The following MMS22L variants were observed in gnomAD, a reference collection of about 807,000 sequenced individuals.
The protein encoded by MMS22L is protein MMS22-like.
A neutral mutation model predicts 159.1 loss-of-function variants in MMS22L; 74 were observed. That is an observed-to-expected ratio of 0.47 (90% CI 0.39 to 0.56). MMS22L has a LOEUF of 0.56. MMS22L is among the 20% of genes least tolerant of loss of function. MMS22L has a pLI of 0.00. For synonymous variants in MMS22L, 517 were observed against 506.9 expected (o/e 1.02, Z -0.27); for missense variants, 1,351 against 1,422.1 (o/e 0.95, Z 0.80).
intron 22 of MMS22L, among the ~76,000 whole-genome samples, chr6:97,159,566 G>A (rs1206140): frequency 0.017 from 2,522 of 151,976 alleles, 29 homozygotes; most frequent in Non-Finnish European, 0.028. Flanking sequence ...TAAGAAAAGA[G>A]AGAACAGCAA....
chr6:97,193,826 T>C (rs1806158305), intron 14 of MMS22L, among the ~76,000 whole-genome samples: 1 of 152,240 alleles, frequency 6.6e-6, no homozygotes, highest in Admixed American at 6.5e-5. Flanking sequence ...AGTGGCAAGA[T>C]CTCGGCTCAC....
chr6:97,156,291 A>T (rs930763785), intron 22 of MMS22L, among the ~76,000 whole-genome samples: 1 of 152,054 alleles, frequency 6.6e-6, no homozygotes, highest in African/African-American at 2.4e-5. Context: ...CACTCTGCTG[A>T]TAGTTTCTTT....
At chr6:97,237,873 T>C (rs1200175564) in intron 11 of MMS22L, among the ~76,000 whole-genome samples, 1 of 152,228 alleles carries the variant, frequency 6.6e-6, no homozygotes, top group African/African-American at 2.4e-5. Flanking sequence ...AGCATACTAA[T>C]TTTATCATGT....
intron 2 of MMS22L, 27 bp from the exon 3 acceptor site, chr6:97,281,389 T>C (rs1033703378): frequency 5.1e-6 from 8 of 1,556,506 alleles, no homozygotes; most frequent in Non-Finnish European, 7.0e-6. Flanking sequence ...TTCAATCTCA[T>C]AAAAAGTATA....
chr6:97,170,581 T>A (rs1465280667), intron 19 of MMS22L, among the ~76,000 whole-genome samples: 1 of 152,066 alleles, frequency 6.6e-6, no homozygotes, highest in Admixed American at 6.6e-5. Flanking sequence ...AGCTCTTGAG[T>A]ATTTACTCAT....
chr6:97,242,126 G>A (rs907265527), intron 11 of MMS22L, among the ~76,000 whole-genome samples: 1 of 152,112 alleles, frequency 6.6e-6, no homozygotes, highest in Non-Finnish European at 1.5e-5. Context: ...TTGTTCTAGG[G>A]TATAGTTTAA....
intron 14 of MMS22L, among the ~76,000 whole-genome samples, chr6:97,201,007 G>C (rs956203430): frequency 6.6e-6 from 1 of 152,102 alleles, no homozygotes; most frequent in African/African-American, 2.4e-5. Context: ...AAGATGTTTA[G>C]ATTGACTGTT....
intron 14 of MMS22L, among the ~76,000 whole-genome samples, chr6:97,221,132 A>T (rs1809598453): frequency 6.6e-6 from 1 of 152,200 alleles, no homozygotes; most frequent in Non-Finnish European, 1.5e-5. Context: ...GCAATTTGCT[A>T]ACTGCCTTAT....
In MMS22L at chr6:97,145,057, C is replaced by CA. The variant is rs1290726583; in HGVS notation, c.*1748dup. 23 of 146,568 alleles carry CA rather than the reference C, an allele frequency of 1.6e-4. No homozygotes were observed. Among genetic ancestry groups the CA allele is most frequent in the African/African-American group, 5.8e-4 (22 of 38,014 alleles). 9.1% of individuals were successfully genotyped at this position (146,568 alleles called of 1,614,324 possible). On this transcript the variant is annotated 3_prime_UTR_variant, in exon 25 of 25. Transcript: ENST00000683635. Reference sequence around the variant, plus strand: ...ACACACACACACACACACACACACACACACACACAAAAACACATATACACA... The same window carrying CA: ...ACACACACACACACACACACACACACAACACACACAAAAACACATATACACA...
At chr6:97,224,789 TTATAAAGACTG>T (rs1224762250) in intron 14 of MMS22L, among the ~76,000 whole-genome samples, 1 of 151,916 alleles carries the variant, frequency 6.6e-6, no homozygotes, top group Non-Finnish European at 1.5e-5. Flanking sequence ...ATCTGTAAAC[TTATAAAGACTG>T]TATAAGCCAT....
intron 14 of MMS22L, among the ~76,000 whole-genome samples, chr6:97,214,780 C>T (rs1005378421): frequency 2.0e-5 from 3 of 150,340 alleles, no homozygotes; most frequent in African/African-American, 7.3e-5. Context: ...CAGCATAAGC[C>T]ACATAATCGG....
chr6:97,211,329 T>C (rs944498678), intron 14 of MMS22L, among the ~76,000 whole-genome samples: 2 of 152,082 alleles, frequency 1.3e-5, no homozygotes, highest in Admixed American at 1.3e-4. Flanking sequence ...AAGATTGATG[T>C]ATTTAATACA....
intron 11 of MMS22L, among the ~76,000 whole-genome samples, chr6:97,240,508 C>T (rs906707778): frequency 6.6e-5 from 10 of 152,270 alleles, no homozygotes; most frequent in African/African-American, 2.4e-4. Flanking sequence ...TTTTTCCCCA[C>T]AACCAATAGT....
chr6:97,162,363 T>C (rs1218484895), intron 21 of MMS22L, among the ~76,000 whole-genome samples, 198 bp from the exon 22 acceptor site: 1 of 152,036 alleles, frequency 6.6e-6, no homozygotes, highest in Non-Finnish European at 1.5e-5. Flanking sequence ...ATCTTTCTGG[T>C]GTGTTCTGAG....
intron 10 of MMS22L, among the ~76,000 whole-genome samples, chr6:97,248,397 GATAATAA>G (rs1812893269): frequency 1.2e-5 from 1 of 84,814 alleles, no homozygotes; most frequent in South Asian, 3.7e-4. Context: ...GAGAGTGTGA[GATAATAA>G]ATGTTTGTTT....
chr6:97,215,500 C>T (rs945295218), intron 14 of MMS22L, among the ~76,000 whole-genome samples: 1 of 152,142 alleles, frequency 6.6e-6, no homozygotes, highest in Non-Finnish European at 1.5e-5. Flanking sequence ...GCTGCATTTG[C>T]ACACCGGGGT....
intron 14 of MMS22L, among the ~76,000 whole-genome samples, chr6:97,208,129 C>A (rs1807978757): frequency 6.6e-6 from 1 of 152,120 alleles, no homozygotes; most frequent in Non-Finnish European, 1.5e-5. Flanking sequence ...CCTGAGTCAT[C>A]AGATCATTCC....
intron 19 of MMS22L, among the ~76,000 whole-genome samples, chr6:97,171,234 C>T (rs965370487): frequency 5.9e-5 from 9 of 152,020 alleles, no homozygotes; most frequent in African/African-American, 2.2e-4. Flanking sequence ...CAAGAGATGG[C>T]TACTACAAGT....
At chr6:97,176,980 C>T (rs890715076) in intron 18 of MMS22L, among the ~76,000 whole-genome samples, 2 of 152,092 alleles carry the variant, frequency 1.3e-5, no homozygotes, top group South Asian at 2.1e-4. Flanking sequence ...GAATTCCTCA[C>T]CTACTTCTCT....
Sources: allele counts gnomAD v4.1 joint callset (sites outside exome capture counted in the v4.1 genomes callset), GRCh38; gene constraint gnomAD v4.1.1; transcripts MANE v1.5; gene names NCBI Gene and HGNC (gene_info 2026-07-23, HGNC 2026-07-21).